Variants in RALYL observed in about 807,000 individuals in gnomAD.
The protein encoded by RALYL is RNA-binding Raly-like protein.
RALYL carries 29 observed loss-of-function variants against 35.1 expected under a neutral mutation model. That is an observed-to-expected ratio of 0.83 (90% CI 0.61 to 1.13). RALYL has a LOEUF of 1.13. Among genes scored for constraint, RALYL ranks in the 50% most tolerant of loss-of-function variants. The pLI is 0.00. For synonymous variants in RALYL, 120 were observed against 127.6 expected (o/e 0.94, Z 0.40); for missense variants, 359 against 360.4 (o/e 1.00, Z 0.03).
intron 1 of RALYL, among the ~76,000 whole-genome samples, chr8:84,516,687 C>T (rs1332608571): frequency 6.6e-6 from 1 of 152,050 alleles, no homozygotes; most frequent in South Asian, 2.1e-4. Flanking sequence ...GGTGAACATC[C>T]CTGGTTATCA....
intron 2 of RALYL, among the ~76,000 whole-genome samples, chr8:84,577,166 G>C (rs534180070): frequency 1.3e-5 from 2 of 152,198 alleles, no homozygotes; most frequent in East Asian, 1.9e-4. Context: ...TGCGTTTGGC[G>C]TAATTACGCA....
chr8:84,684,730 G>T (rs1319567020), intron 2 of RALYL, among the ~76,000 whole-genome samples: 1 of 152,154 alleles, frequency 6.6e-6, no homozygotes, highest in Non-Finnish European at 1.5e-5. Flanking sequence ...GTAGGTGAGA[G>T]AAATCAATCA....
intron 1 of RALYL, among the ~76,000 whole-genome samples, chr8:84,321,035 A>G (rs1314801901): frequency 6.6e-6 from 1 of 152,132 alleles, no homozygotes; most frequent in African/African-American, 2.4e-5. Flanking sequence ...GTCAGGGGTT[A>G]GGGGAGACTT....
At chr8:84,275,964 AT>A (rs2132012259) in intron 1 of RALYL, among the ~76,000 whole-genome samples, 1 of 152,278 alleles carries the variant, frequency 6.6e-6, no homozygotes, top group South Asian at 2.1e-4. Flanking sequence ...TTTAAAAAAA[AT>A]ATATCATTCA....
intron 7 of RALYL, among the ~76,000 whole-genome samples, chr8:84,881,395 A>G (rs965274484): frequency 6.6e-6 from 1 of 151,974 alleles, no homozygotes; most frequent in African/African-American, 2.4e-5. Context: ...TTTTTGTATC[A>G]ACATTCTTTC....
At chr8:84,345,686 T>A (rs534551924) in intron 1 of RALYL, among the ~76,000 whole-genome samples, 1 of 152,016 alleles carries the variant, frequency 6.6e-6, no homozygotes, top group Non-Finnish European at 1.5e-5. Flanking sequence ...CGCCCTAATA[T>A]ATAGAAACAC....
intron 1 of RALYL, among the ~76,000 whole-genome samples, chr8:84,218,538 C>G (rs1484701612): frequency 6.6e-6 from 1 of 151,994 alleles, no homozygotes; most frequent in Non-Finnish European, 1.5e-5. Context: ...ACAGATTACT[C>G]TGGTGCAATA....
chr8:84,692,400 A>G (rs1210338160), intron 2 of RALYL, among the ~76,000 whole-genome samples: 5 of 151,996 alleles, frequency 3.3e-5, no homozygotes, highest in Non-Finnish European at 7.4e-5. Context: ...AATCAAACAT[A>G]GAATATGAAA....
At chr8:84,203,896 A>C (rs556224210) in intron 1 of RALYL, among the ~76,000 whole-genome samples, 1 of 152,240 alleles carries the variant, frequency 6.6e-6, no homozygotes, top group East Asian at 1.9e-4. Context: ...CAATGGACTC[A>C]AAATATCCAG....
At chr8:84,757,175 A>T (rs1005866674) in intron 2 of RALYL, among the ~76,000 whole-genome samples, 1 of 152,132 alleles carries the variant, frequency 6.6e-6, no homozygotes, top group Non-Finnish European at 1.5e-5. Flanking sequence ...TAACCTATGA[A>T]TATTAGATTA....
chr8:84,255,834 A>G (rs1349103068), intron 1 of RALYL, among the ~76,000 whole-genome samples: 1 of 152,168 alleles, frequency 6.6e-6, no homozygotes, highest in Non-Finnish European at 1.5e-5. Flanking sequence ...TTATATGGAA[A>G]TGAATGAATG....
chr8:84,375,463 A>C (rs1289434637), intron 1 of RALYL, among the ~76,000 whole-genome samples: 5 of 151,876 alleles, frequency 3.3e-5, no homozygotes, highest in Non-Finnish European at 1.5e-5. Context: ...ATCTTGAATG[A>C]AAGAATAAAG....
intron 2 of RALYL, among the ~76,000 whole-genome samples, chr8:84,552,104 C>T (rs895863410): frequency 7.1e-6 from 1 of 140,380 alleles, no homozygotes; most frequent in Admixed American, 7.4e-5. Context: ...CTGTCAGAAA[C>T]TTTTAGGAGA....
rs571279097 is a variant in RALYL at position 84,788,098 on chromosome 8, C to T, written c.332+13444C>T. 3.9e-5 allele frequency among the ~76,000 whole-genome samples: 6 copies of T among 152,252 alleles called. No individual in the cohort carries two copies. The East Asian group carries it at 1.2e-3, about 29-fold the overall frequency. On this transcript the variant is annotated intron_variant, in intron 3 of 8. Transcript: ENST00000521268. ...TTAATCATGCAGTCTTTGCCCATGT[C>T]TATGTCCTGAATGGTATTGCCTAGT...
chr8:84,219,171 A>G (rs1167584624), intron 1 of RALYL, among the ~76,000 whole-genome samples: 1 of 152,032 alleles, frequency 6.6e-6, no homozygotes, highest in East Asian at 1.9e-4. Flanking sequence ...TATAATCCCC[A>G]TAATCCCCAC....
chr8:84,539,944 A>G (rs2059911012), intron 2 of RALYL, among the ~76,000 whole-genome samples: 2 of 147,950 alleles, frequency 1.4e-5, no homozygotes, highest in Non-Finnish European at 3.0e-5. Flanking sequence ...ACACATGCAC[A>G]TTTTAATTTA....
chr8:84,242,409 G>A (rs1325724582), intron 1 of RALYL, among the ~76,000 whole-genome samples: 1 of 152,176 alleles, frequency 6.6e-6, no homozygotes, highest in Non-Finnish European at 1.5e-5. Flanking sequence ...AATCTTTGAG[G>A]AATTGCTACA....
intron 2 of RALYL, among the ~76,000 whole-genome samples, chr8:84,766,701 C>T (rs1328556777): frequency 6.0e-5 from 7 of 116,774 alleles, no homozygotes; most frequent in Non-Finnish European, 1.1e-4. Flanking sequence ...TCCAGCCTGG[C>T]GACAGAGTGA....
intron 1 of RALYL, among the ~76,000 whole-genome samples, chr8:84,280,419 T>A (rs916235339): frequency 1.3e-5 from 2 of 152,146 alleles, no homozygotes; most frequent in Non-Finnish European, 2.9e-5. Context: ...TATATCCACC[T>A]ACTTTCCTAA....
Sources: allele counts gnomAD v4.1 joint callset (sites outside exome capture counted in the v4.1 genomes callset), GRCh38; gene constraint gnomAD v4.1.1; transcripts MANE v1.5; gene names NCBI Gene and HGNC (gene_info 2026-07-23, HGNC 2026-07-21).